The following GRM8 variants were observed in gnomAD, a reference collection of about 807,000 sequenced individuals.
The protein encoded by GRM8 is metabotropic glutamate receptor 8.
GRM8 carries 47 observed loss-of-function variants against 87.2 expected under a neutral mutation model. That is an observed-to-expected ratio of 0.54 (90% CI 0.43 to 0.69). GRM8 has a LOEUF of 0.69. GRM8 is among the 30% of genes least tolerant of loss of function. The pLI, the probability that GRM8 is intolerant of heterozygous loss-of-function variation, is 0.00. For synonymous variants in GRM8, 396 were observed against 404.5 expected (o/e 0.98, Z 0.25); for missense variants, 1,019 against 1,139.2 (o/e 0.89, Z 1.52).
At position 126,928,480 on chromosome 7, in the gene GRM8, T is replaced by G. The variant is rs745408191; in HGVS notation, c.728-23797A>C. On this transcript the variant is annotated intron_variant, in intron 3 of 10. Transcript: ENST00000339582. Reference sequence around the variant, plus strand: ...TTAGCTCAGGGGTTCAAGACCAGCCTGGGCAACGTGATGAAACCCCATCTC... The same window carrying G: ...TTAGCTCAGGGGTTCAAGACCAGCCGGGGCAACGTGATGAAACCCCATCTC... Among the ~76,000 whole-genome samples, 167 of 152,166 alleles carry G rather than the reference T, an allele frequency of 1.1e-3. 1 individual carries two copies. The highest frequency in any genetic ancestry group is 1.5e-3 in the Admixed American group (23 of 15,282).
At chr7:126,688,727 C>T (rs533770998) in intron 7 of GRM8, among the ~76,000 whole-genome samples, 30 of 139,440 alleles carry the variant, frequency 2.2e-4, no homozygotes, top group African/African-American at 8.0e-4. Flanking sequence ...TATTTTCTCT[C>T]TCTCTCTTTC....
chr7:126,993,955 C>T (rs902126934), intron 3 of GRM8, among the ~76,000 whole-genome samples: 2 of 152,138 alleles, frequency 1.3e-5, no homozygotes, highest in African/African-American at 4.8e-5. Context: ...CTGTGCTGGA[C>T]TTAGAGCCAG....
Position 126,778,619 on chromosome 7 carries a change from A to T in GRM8, c.1157-8554T>A, listed in dbSNP as rs145053624. Among the ~76,000 whole-genome samples, 1,059 of 152,280 alleles carry T rather than the reference A, an allele frequency of 7.0e-3. 15 individuals are homozygous for T. Among genetic ancestry groups the T allele is most frequent in the Admixed American group, 0.025 (376 of 15,276 alleles). On this transcript the variant is annotated intron_variant, in intron 6 of 10. Coordinates refer to ENST00000339582, the MANE Select transcript of GRM8 (RefSeq NM_000845.3). ...TTATCTTAGATCATACACATGAGAGACAAATTTTGATTTAAAATAATTTAT... is the reference window on the plus strand; with the variant it reads ...TTATCTTAGATCATACACATGAGAGTCAAATTTTGATTTAAAATAATTTAT...
chr7:126,883,796 C>T (rs1368565655), intron 6 of GRM8, among the ~76,000 whole-genome samples: 2 of 151,986 alleles, frequency 1.3e-5, no homozygotes, highest in Non-Finnish European at 2.9e-5. Context: ...GTTGGTATAT[C>T]CCATGTCTAT....
chr7:127,085,837 T>C (rs1393813236), intron 3 of GRM8, among the ~76,000 whole-genome samples: 3 of 152,236 alleles, frequency 2.0e-5, no homozygotes, highest in African/African-American at 7.2e-5. Flanking sequence ...TTTTCACTTT[T>C]GTTGCCATTG....
intron 6 of GRM8, among the ~76,000 whole-genome samples, chr7:126,791,133 T>C (rs1821256435): frequency 6.6e-6 from 1 of 152,146 alleles, no homozygotes; most frequent in Non-Finnish European, 1.5e-5. Flanking sequence ...TAATGACTTG[T>C]ACATCTCATA....
intron 7 of GRM8, among the ~76,000 whole-genome samples, chr7:126,751,644 AC>A (rs1246693588): frequency 2.0e-5 from 3 of 152,184 alleles, no homozygotes; most frequent in Non-Finnish European, 4.4e-5. Context: ...AAAGGAAGGC[AC>A]CATTGCACTT....
chr7:127,163,745 T>C (rs1460813914), intron 2 of GRM8, among the ~76,000 whole-genome samples: 5 of 152,166 alleles, frequency 3.3e-5, no homozygotes, highest in African/African-American at 4.8e-5. Context: ...TTGGTAATCA[T>C]CAAAGTAAAA....
At chr7:126,468,173 A>G (rs1804727993) in intron 9 of GRM8, among the ~76,000 whole-genome samples, 1 of 152,086 alleles carries the variant, frequency 6.6e-6, no homozygotes. Flanking sequence ...ATCTGCCCTT[A>G]TTGCTTGCCT....
intron 6 of GRM8, among the ~76,000 whole-genome samples, chr7:126,895,900 T>C (rs991936484): frequency 1.3e-5 from 2 of 150,454 alleles, no homozygotes; most frequent in Non-Finnish European, 3.0e-5. Context: ...AGTTGGTGAT[T>C]AAAATTCCAA....
intron 3 of GRM8, among the ~76,000 whole-genome samples, chr7:127,052,881 T>C (rs1819630819): frequency 6.6e-6 from 1 of 152,230 alleles, no homozygotes; most frequent in Admixed American, 6.5e-5. Context: ...TTGAATGTGC[T>C]CAGTCATTTC....
rs1255417157 is a variant in GRM8, at chr7:126,868,013, AG to A, written c.1156+34528del. ...GTGTGAAAATAAAGGTGTGAACTCT[AG>A]CAGAGAGCATGGTAAGACATAGAGC... On this transcript the variant is annotated intron_variant, in intron 6 of 10. Coordinates refer to ENST00000339582, the MANE Select transcript of GRM8 (RefSeq NM_000845.3). Among the ~76,000 whole-genome samples, 8 of 152,356 alleles carry A rather than the reference AG, an allele frequency of 5.3e-5. No homozygotes were observed. In the East Asian group the frequency reaches 1.5e-3, roughly 29 times the overall value.
intron 7 of GRM8, among the ~76,000 whole-genome samples, chr7:126,763,442 C>CAT (rs750564318): frequency 0.021 from 2,487 of 119,668 alleles, 53 homozygotes; most frequent in East Asian, 0.082. Flanking sequence ...ATGATAAATT[C>CAT]ATATATATAT....
At chr7:126,826,938 A>G (rs1485234116) in intron 6 of GRM8, among the ~76,000 whole-genome samples, 17 of 152,102 alleles carry the variant, frequency 1.1e-4, no homozygotes, top group Non-Finnish European at 2.2e-4. Context: ...CATATGGCTA[A>G]CCAGTTTTCC....
intron 3 of GRM8, among the ~76,000 whole-genome samples, chr7:126,972,620 A>G (rs1391374880): frequency 1.3e-5 from 2 of 152,188 alleles, no homozygotes; most frequent in Admixed American, 6.5e-5. Context: ...CAATCTATCA[A>G]ACCAGGATAA....
chr7:126,987,758 C>T (rs972816392), intron 3 of GRM8, among the ~76,000 whole-genome samples: 7 of 152,152 alleles, frequency 4.6e-5, no homozygotes, highest in Non-Finnish European at 7.4e-5. Flanking sequence ...CCACGGCGCC[C>T]GGCCTTCTTG....
chr7:126,917,498 T>C (rs2131337162), intron 3 of GRM8, among the ~76,000 whole-genome samples: 1 of 152,148 alleles, frequency 6.6e-6, no homozygotes, highest in South Asian at 2.1e-4. Context: ...AACAGAAAAA[T>C]ACTATTTCAC....
intron 6 of GRM8, among the ~76,000 whole-genome samples, chr7:126,900,762 G>A (rs550517143): frequency 2.0e-4 from 30 of 152,128 alleles, no homozygotes; most frequent in South Asian, 6.2e-4. Flanking sequence ...TGCCCACCTC[G>A]GCCTCCCAAA....
chr7:127,131,851 A>T (rs1827707573), intron 2 of GRM8, among the ~76,000 whole-genome samples: 1 of 152,126 alleles, frequency 6.6e-6, no homozygotes, highest in African/African-American at 2.4e-5. Flanking sequence ...GTTTCCTGGA[A>T]TCTGTTATTT....
Sources: gnomAD v4.1 joint callset for allele counts (sites outside exome capture counted in the v4.1 genomes callset) on GRCh38, gnomAD v4.1.1 for gene constraint, MANE v1.5 for transcripts, NCBI Gene and HGNC (gene_info 2026-07-23, HGNC 2026-07-21) for gene names.